Variants in TJP2 observed in about 807,000 individuals in gnomAD.
TJP2 encodes tight junction protein 2.
TJP2 carries 91 observed loss-of-function variants against 133.1 expected under a neutral mutation model. The observed-to-expected ratio is 0.68, with a 90% CI of 0.58 to 0.81. The LOEUF (loss-of-function observed/expected upper bound fraction) is 0.81. Among genes scored for constraint, TJP2 ranks in the 40% least tolerant of loss-of-function variants. TJP2 has a pLI of 0.00. For synonymous variants in TJP2, 592 were observed against 583.4 expected (o/e 1.01, Z -0.21); for missense variants, 1,541 against 1,565.6 (o/e 0.98, Z 0.26).
intron 11 of TJP2, among the ~76,000 whole-genome samples, chr9:69,232,727 C>T (rs1166583875): frequency 1.3e-5 from 2 of 152,110 alleles, no homozygotes; most frequent in African/African-American, 4.8e-5. Flanking sequence ...TACCTCTTTG[C>T]TTGTTATTTA....
At chr9:69,215,343 C>T (rs911898440) in intron 2 of TJP2, among the ~76,000 whole-genome samples, 1 of 151,374 alleles carries the variant, frequency 6.6e-6, no homozygotes, top group Non-Finnish European at 1.5e-5. Context: ...AAAGGATTGG[C>T]TAGCACTGGG....
chr9:69,191,010 A>G (rs936428204), intron 1 of TJP2, among the ~76,000 whole-genome samples: 5 of 152,182 alleles, frequency 3.3e-5, no homozygotes, highest in Admixed American at 6.5e-5. Flanking sequence ...CTGTTCTGCA[A>G]TCTGGGAATA....
intron 1 of TJP2, among the ~76,000 whole-genome samples, chr9:69,211,060 G>A (rs1023610595): frequency 1.6e-4 from 24 of 152,144 alleles, no homozygotes; most frequent in African/African-American, 5.6e-4. Context: ...ACATAGTCCG[G>A]GTGGCTTGGT....
upstream of TJP2, chr9:69,121,400 C>T (rs1822132002): frequency 2.1e-6 from 2 of 964,340 alleles, no homozygotes; most frequent in Non-Finnish European, 2.5e-6. Context: ...CCCCTCCCCG[C>T]CGCTGCTCTC....
At chr9:69,134,761 G>A (rs928369923) in intron 1 of TJP2, among the ~76,000 whole-genome samples, 1 of 152,150 alleles carries the variant, frequency 6.6e-6, no homozygotes, top group Non-Finnish European at 1.5e-5. Flanking sequence ...ATGACTGGGT[G>A]GGTTAAGTAA....
intron 1 of TJP2, among the ~76,000 whole-genome samples, chr9:69,194,481 T>C (rs112168464): frequency 4.6e-5 from 7 of 152,344 alleles, no homozygotes; most frequent in African/African-American, 1.4e-4. Flanking sequence ...GCTAGGGATA[T>C]GGTTAATTAT....
intron 1 of TJP2, among the ~76,000 whole-genome samples, chr9:69,185,042 G>A (rs1356335732): frequency 2.0e-5 from 3 of 149,164 alleles, no homozygotes; most frequent in South Asian, 2.1e-4. Flanking sequence ...GAGTCACCAC[G>A]CTTGGGCAGC....
intron 17 of TJP2, among the ~76,000 whole-genome samples, chr9:69,242,967 C>T (rs2133429680): frequency 6.6e-6 from 1 of 152,270 alleles, no homozygotes; most frequent in South Asian, 2.1e-4. Flanking sequence ...GGGCTCAAGG[C>T]ACCTTCCCTC....
intron 22 of TJP2, chr9:69,253,207 A>C (rs907903954): frequency 9.7e-6 from 4 of 411,324 alleles, no homozygotes; most frequent in African/African-American, 8.1e-5. Context: ...CAGAATTCCT[A>C]CGGCTTAGAC....
At chr9:69,177,940 A>G (rs1341050407) in intron 1 of TJP2, among the ~76,000 whole-genome samples, 1 of 152,028 alleles carries the variant, frequency 6.6e-6, no homozygotes, top group Admixed American at 6.6e-5. Flanking sequence ...TAGGAAAAGC[A>G]CTTCTTAGAA....
At chr9:69,169,014 A>C (rs893002466) in intron 2 of TJP2, among the ~76,000 whole-genome samples, 15 of 151,336 alleles carry the variant, frequency 9.9e-5, no homozygotes, top group African/African-American at 3.6e-4. Context: ...AGGAGAGGAG[A>C]TGAGGCTACC....
chr9:69,252,646 G>A (rs989659158), intron 21 of TJP2, among the ~76,000 whole-genome samples, 169 bp from the exon 22 acceptor site: 2 of 152,102 alleles, frequency 1.3e-5, no homozygotes. Context: ...GACGTGTACC[G>A]CACATAACCA....
intron 5 of TJP2, among the ~76,000 whole-genome samples, chr9:69,222,533 C>T (rs142344501): frequency 3.3e-5 from 5 of 152,164 alleles, no homozygotes; most frequent in African/African-American, 9.7e-5. Context: ...AACACCAATT[C>T]GTTCGTTTAA....
intron 18 of TJP2, among the ~76,000 whole-genome samples, chr9:69,247,058 C>G (rs1246580219): frequency 6.6e-6 from 1 of 152,234 alleles, no homozygotes; most frequent in Non-Finnish European, 1.5e-5. Context: ...GTACACTAAT[C>G]AGAGCTTACA....
Position 69,220,926 on chromosome 9 carries a change from C to A in TJP2, c.382C>A (p.Gln128Lys), listed in dbSNP as rs41305539. 60,591 of 1,612,422 alleles carry A rather than the reference C, an allele frequency of 0.038. 4,544 individuals carry two copies. The highest frequency in any genetic ancestry group is 0.3 in the African/African-American group (22,691 of 74,958). Reference protein sequence around the residue: ...RPRKVQVAALQASPPLDQDDR... With the variant: ...RPRKVQVAALKASPPLDQDDR... ...CCGGAAGGTCCAGGTGGCCGCACTT[C>A]AGGCCAGCCCTCCCCTGGATCAGGA... Residue 128 changes from glutamine to lysine, a missense_variant, in exon 5 of 23, where the codon CAG (glutamine) becomes AAG (lysine). Coordinates refer to ENST00000377245, the MANE Select transcript of TJP2 (RefSeq NM_004817.4).
chr9:69,189,670 A>AC (rs1826083574), intron 1 of TJP2, among the ~76,000 whole-genome samples: 1 of 44,946 alleles, frequency 2.2e-5, no homozygotes. Context: ...AGTTAAAAAA[A>AC]AAAAAAGACA....
rs79674929 is a variant in TJP2 at position 69,246,019 on chromosome 9, G to T, written c.2567-671G>T. On this transcript the variant is annotated intron_variant, in intron 17 of 22. Coordinates refer to ENST00000377245, the MANE Select transcript of TJP2 (RefSeq NM_004817.4). Reference sequence around the variant, plus strand: ...GTAAAATGGATGGTTACATCTAAACGTGCAGGGTTTTTTTCTTGTCATTAT... The same window carrying T: ...GTAAAATGGATGGTTACATCTAAACTTGCAGGGTTTTTTTCTTGTCATTAT... 3.8e-3 allele frequency among the ~76,000 whole-genome samples: 576 copies of T among 152,240 alleles called. 2 individuals carry two copies. The highest frequency in any genetic ancestry group is 0.013 in the African/African-American group (543 of 41,552).
intron 2 of TJP2, among the ~76,000 whole-genome samples, chr9:69,213,112 G>T (rs768595360): frequency 1.7e-4 from 24 of 140,862 alleles, no homozygotes; most frequent in East Asian, 2.0e-4. Context: ...CGCCCAGGCT[G>T]GAGTACGGTG....
At position 69,254,630 on chromosome 9, in the gene TJP2, T is replaced by C; in HGVS notation, c.*256T>C. Reference sequence around the variant, plus strand: ...AGCAGAACACTGCAGTCAGATCCTGTTACTTGCTTCAGTGGACCGAAATCT... The same window carrying C: ...AGCAGAACACTGCAGTCAGATCCTGCTACTTGCTTCAGTGGACCGAAATCT... On this transcript the variant is annotated 3_prime_UTR_variant, in exon 23 of 23. Coordinates refer to ENST00000377245, the MANE Select transcript of TJP2 (RefSeq NM_004817.4). 1.7e-6 allele frequency: 1 copy of C among 599,964 alleles called. No individual in the cohort carries two copies. 37.2% of individuals were successfully genotyped at this position (599,964 alleles called of 1,614,324 possible).
Sources: allele counts gnomAD v4.1 joint callset (sites outside exome capture counted in the v4.1 genomes callset), GRCh38; gene constraint gnomAD v4.1.1; transcripts MANE v1.5; gene names NCBI Gene and HGNC (gene_info 2026-07-23, HGNC 2026-07-21).